Variants in MAP3K5 observed in about 807,000 individuals in gnomAD.
The protein encoded by MAP3K5 is mitogen-activated protein kinase kinase kinase 5.
A neutral mutation model predicts 158.7 loss-of-function variants in MAP3K5; 56 were observed. The observed-to-expected ratio is 0.35, with a 90% CI of 0.28 to 0.44. MAP3K5 has a LOEUF of 0.44. Among genes scored for constraint, MAP3K5 ranks in the 20% least tolerant of loss-of-function variants. The pLI is 1.00. For synonymous variants in MAP3K5, 579 were observed against 601.7 expected, an observed-to-expected ratio of 0.96 and a Z score of 0.55; for missense variants, 1,294 against 1,674.8, an observed-to-expected ratio of 0.77 and a Z score of 3.97.
At chr6:136,647,778 C>T (rs758839002) in intron 11 of MAP3K5, 2 of 152,204 alleles carry the variant, frequency 1.3e-5, no homozygotes, top group Non-Finnish European at 2.9e-5. Context: ...CTAGTTCTAC[C>T]CACAGCCAAA....
At chr6:136,623,993 A>G (rs2129096938) in intron 14 of MAP3K5, among the ~76,000 whole-genome samples, 1 of 152,262 alleles carries the variant, frequency 6.6e-6, no homozygotes, top group African/African-American at 2.4e-5. Flanking sequence ...CAGGAGTTTG[A>G]GACCAGCCTA....
At chr6:136,589,282 T>C (rs1775278766) in intron 23 of MAP3K5, among the ~76,000 whole-genome samples, 2 of 152,108 alleles carry the variant, frequency 1.3e-5, no homozygotes, top group Admixed American at 6.5e-5. Flanking sequence ...GGGAAGAAGC[T>C]ATGTGCAGTA....
At chr6:136,767,620 A>G (rs765475219) in intron 1 of MAP3K5, among the ~76,000 whole-genome samples, 1 of 152,224 alleles carries the variant, frequency 6.6e-6, no homozygotes, top group Non-Finnish European at 1.5e-5. Flanking sequence ...GTCATGACAA[A>G]AGAAAGAATA....
Position 136,567,647 on chromosome 6 carries a change from T to C in MAP3K5, c.3745A>G (p.Lys1249Glu), listed in dbSNP as rs1263678139. 6.2e-7 allele frequency: 1 copy of C among 1,613,866 alleles called. No homozygotes were observed. The highest frequency in any genetic ancestry group is 1.7e-5 in the Admixed American group (1 of 59,990). The change falls in exon 26 of 30, where the codon AAA becomes GAA. Residue 1249 changes from lysine (K) to glutamate (E), a missense_variant. Lys to Glu is a moderately conservative substitution (Grantham distance 56). Coordinates refer to ENST00000359015, the MANE Select transcript of MAP3K5 (RefSeq NM_005923.4). The part of the protein sequence containing the change: ...RSLNVQLGRM[K>E]IETNRLLEEL... ...AGGACTTACCTATTGGTTTCTATTTTCATCCTTCCAAGCTGTACATTCAGT... is the reference window on the plus strand; with the variant it reads ...AGGACTTACCTATTGGTTTCTATTTCCATCCTTCCAAGCTGTACATTCAGT...
intron 14 of MAP3K5, among the ~76,000 whole-genome samples, chr6:136,626,536 A>G (rs1175141187): frequency 6.6e-6 from 1 of 152,206 alleles, no homozygotes; most frequent in African/African-American, 2.4e-5. Context: ...GGCTCCTGCG[A>G]GGAGACAGGA....
chr6:136,568,816 C>G (rs946304553), intron 25 of MAP3K5, among the ~76,000 whole-genome samples: 1 of 148,504 alleles, frequency 6.7e-6, no homozygotes, highest in Admixed American at 6.8e-5. Flanking sequence ...CGAGATCATG[C>G]CACTGTACTC....
chr6:136,757,579 A>ATTTTTTTTT (rs776508913), intron 1 of MAP3K5, among the ~76,000 whole-genome samples: 48 of 111,994 alleles, frequency 4.3e-4, no homozygotes, highest in Non-Finnish European at 6.4e-4. Flanking sequence ...TTATTTATTT[A>ATTTTTTTTT]TTTTTTATTT....
At chr6:136,635,128 TAA>T (rs758234854) in intron 14 of MAP3K5, among the ~76,000 whole-genome samples, 54 of 129,584 alleles carry the variant, frequency 4.2e-4, no homozygotes, top group Middle Eastern at 3.9e-3. Flanking sequence ...ATCTCTGGTT[TAA>T]AAAAAAAAAA....
chr6:136,744,947 C>T (rs1255222668), intron 1 of MAP3K5, among the ~76,000 whole-genome samples: 2 of 152,110 alleles, frequency 1.3e-5, no homozygotes, highest in African/African-American at 4.8e-5. Context: ...CGCAGAGCAC[C>T]GACTGCTTAT....
chr6:136,758,169 A>G (rs989960707), intron 1 of MAP3K5, among the ~76,000 whole-genome samples: 10 of 152,212 alleles, frequency 6.6e-5, no homozygotes, highest in Non-Finnish European at 1.5e-4. Context: ...GATCAATGTC[A>G]TCATGTCATA....
chr6:136,687,657 A>G (rs1780207650), intron 7 of MAP3K5, among the ~76,000 whole-genome samples: 1 of 152,244 alleles, frequency 6.6e-6, no homozygotes, highest in Non-Finnish European at 1.5e-5. Flanking sequence ...TGCGGCCAAC[A>G]AACATATGAC....
intron 11 of MAP3K5, among the ~76,000 whole-genome samples, chr6:136,643,857 TG>T (rs1583330651): frequency 6.6e-6 from 1 of 152,166 alleles, no homozygotes. Flanking sequence ...GCTGGTAATT[TG>T]GAAAGTTGCT....
intron 25 of MAP3K5, among the ~76,000 whole-genome samples, chr6:136,579,648 G>A (rs1774779646): frequency 6.6e-6 from 1 of 152,210 alleles, no homozygotes; most frequent in Non-Finnish European, 1.5e-5. Flanking sequence ...ATGATAACGT[G>A]TCAATGTAGA....
At chr6:136,636,711 G>T in intron 14 of MAP3K5, 1 of 495,048 alleles carries the variant, frequency 2.0e-6, no homozygotes, top group Non-Finnish European at 2.6e-6. Context: ...GGGAGGCCGA[G>T]GTGGGAGGAT....
intron 2 of MAP3K5, among the ~76,000 whole-genome samples, chr6:136,711,154 C>T (rs1187880083): frequency 6.6e-6 from 1 of 151,500 alleles, no homozygotes. Context: ...GTTATGCCTA[C>T]ATAAAAGCTC....
chr6:136,610,677 G>A (rs1304860973), intron 18 of MAP3K5, among the ~76,000 whole-genome samples: 1 of 144,908 alleles, frequency 6.9e-6, no homozygotes, highest in East Asian at 2.0e-4. Context: ...AGAAAAATAA[G>A]TAACAAGTTG....
chr6:136,653,303 A>C (rs149013477), intron 10 of MAP3K5, among the ~76,000 whole-genome samples: 1 of 152,356 alleles, frequency 6.6e-6, no homozygotes, highest in East Asian at 1.9e-4. Flanking sequence ...TCTTTTGCCC[A>C]GAGTCACAGT....
chr6:136,615,673 CAATA>C (rs1215182752), intron 15 of MAP3K5, among the ~76,000 whole-genome samples: 1 of 152,056 alleles, frequency 6.6e-6, no homozygotes, highest in African/African-American at 2.4e-5. Context: ...GTGTCAGCAA[CAATA>C]AATACAGACT....
chr6:136,589,734 A>C (rs1775301048), intron 23 of MAP3K5, among the ~76,000 whole-genome samples: 1 of 152,148 alleles, frequency 6.6e-6, no homozygotes. Context: ...TGCACCAGAA[A>C]AGGCCATATG....
Sources: allele counts gnomAD v4.1 joint callset (sites outside exome capture counted in the v4.1 genomes callset), GRCh38; gene constraint gnomAD v4.1.1; transcripts MANE v1.5; gene names NCBI Gene and HGNC (gene_info 2026-07-23, HGNC 2026-07-21).